SH3RF2: variants seen among roughly 807,000 people sequenced by gnomAD.
SH3RF2 encodes the protein E3 ubiquitin-protein ligase SH3RF2.
SH3RF2 carries 43 observed loss-of-function variants against 59.0 expected under a neutral mutation model. The ratio of observed to expected loss-of-function variants is 0.73; its 90% confidence interval spans 0.57 to 0.94. The LOEUF (loss-of-function observed/expected upper bound fraction) is 0.94. SH3RF2 is among the 40% of genes least tolerant of loss of function. SH3RF2 has a pLI of 0.00. For synonymous variants in SH3RF2, 391 were observed against 391.5 expected, an observed-to-expected ratio of 1.00 and a Z score of 0.01; for missense variants, 930 against 940.1, an observed-to-expected ratio of 0.99 and a Z score of 0.14.
chr5:146,027,794 C>G (rs1028112899), intron 5 of SH3RF2, among the ~76,000 whole-genome samples: 1 of 152,152 alleles, frequency 6.6e-6, no homozygotes, highest in African/African-American at 2.4e-5. Flanking sequence ...CGCTGCAGCC[C>G]AGTTGCCTTT....
chr5:145,992,618 T>A (rs1759987080), intron 2 of SH3RF2, among the ~76,000 whole-genome samples: 2 of 152,114 alleles, frequency 1.3e-5, no homozygotes, highest in Non-Finnish European at 2.9e-5. Flanking sequence ...GAGGAGCATG[T>A]CACATCTTAC....
At chr5:146,048,783 T>C (rs760959062) in intron 6 of SH3RF2, among the ~76,000 whole-genome samples, 1 of 152,168 alleles carries the variant, frequency 6.6e-6, no homozygotes, top group Non-Finnish European at 1.5e-5. Flanking sequence ...TACTTGGATA[T>C]TACCTGCCTG....
intron 2 of SH3RF2, among the ~76,000 whole-genome samples, chr5:145,947,024 A>C (rs1758026022): frequency 6.6e-6 from 1 of 152,110 alleles, no homozygotes; most frequent in Admixed American, 6.5e-5. Flanking sequence ...CTAAGTGTTC[A>C]GTTCAGCAGC....
At chr5:146,045,761 GTTA>G (rs1762278731) in intron 5 of SH3RF2, among the ~76,000 whole-genome samples, 1 of 152,100 alleles carries the variant, frequency 6.6e-6, no homozygotes, top group South Asian at 2.1e-4. Flanking sequence ...CCCGCTTTGG[GTTA>G]TTATGAATAA....
At chr5:146,064,614 AGG>A (rs1177041147), downstream of SH3RF2, among the ~76,000 whole-genome samples, 53 of 101,280 alleles carry the variant, frequency 5.2e-4, 2 homozygotes, top group Middle Eastern at 5.2e-3. Context: ...AGAGAGAGAG[AGG>A]GAGAGAGAGA....
At chr5:146,053,106 A>G (rs1331815275) in intron 7 of SH3RF2, among the ~76,000 whole-genome samples, 1 of 152,220 alleles carries the variant, frequency 6.6e-6, no homozygotes, top group Admixed American at 6.5e-5. Context: ...GGGATAAACT[A>G]GAGATTATAA....
At chr5:146,015,411 A>G (rs927045132) in intron 5 of SH3RF2, among the ~76,000 whole-genome samples, 9 of 152,146 alleles carry the variant, frequency 5.9e-5, no homozygotes, top group African/African-American at 2.2e-4. Flanking sequence ...CTTCTTTACA[A>G]GTACATATTA....
At chr5:146,010,330 A>T (rs1473716632) in intron 4 of SH3RF2, among the ~76,000 whole-genome samples, 1 of 152,236 alleles carries the variant, frequency 6.6e-6, no homozygotes, top group African/African-American at 2.4e-5. Context: ...ATAGTGCCAC[A>T]ATAAACATAC....
intron 4 of SH3RF2, among the ~76,000 whole-genome samples, chr5:146,008,840 T>C (rs1198422416): frequency 6.6e-6 from 1 of 152,232 alleles, no homozygotes; most frequent in Non-Finnish European, 1.5e-5. Context: ...TCTGTTCCTG[T>C]AGTTTTCTTT....
chr5:146,004,266 T>A, intron 4 of SH3RF2, 113 bp downstream of exon 4: 1 of 701,644 alleles, frequency 1.4e-6, no homozygotes, highest in Non-Finnish European at 2.2e-6. Flanking sequence ...CAGAACTAAC[T>A]AAAATCTCTA....
intron 9 of SH3RF2, among the ~76,000 whole-genome samples, chr5:146,072,008 G>A (rs959740284): frequency 1.3e-5 from 2 of 152,228 alleles, no homozygotes; most frequent in Non-Finnish European, 2.9e-5. Context: ...GGAGAGAACA[G>A]TGAGAGTGTT....
rs1392385896 is a variant in SH3RF2, at chr5:146,049,122, A to T, written c.1199A>T (p.Asp400Val). 18 of 1,613,928 alleles carry T rather than the reference A, an allele frequency of 1.1e-5. No individual in the cohort carries two copies. The highest frequency in any genetic ancestry group is 1.4e-5 in the Non-Finnish European group (17 of 1,180,012). Residue 400 changes from aspartate (D) to valine (V), a missense_variant, in exon 7 of 10, where the codon GAC becomes GTC. Asp to Val is a radical substitution (Grantham distance 152). Transcript: ENST00000359120. The part of the protein sequence containing the change: ...SYSAHGPDEL[D>V]LQKGEGVRVL... The stretch of plus-strand genomic sequence containing the variant: ...TCAGCCCATGGACCCGATGAGCTGG[A>T]CCTGCAAAAGGGAGAAGGCGTCAGG...
chr5:146,062,464 T>A lies in SH3RF2; in HGVS notation c.1953T>A (p.Pro651=). 6.2e-7 allele frequency: 1 copy of A among 1,614,138 alleles called. No individual in the cohort carries two copies. Among genetic ancestry groups the A allele is most frequent in the Non-Finnish European group, 8.5e-7 (1 of 1,180,014 alleles). Reference sequence around the variant, plus strand: ...TGAGATTTCAGAATTACAGCCCTCCTCCCACCAAACATTACACCTCCCATC... The same window carrying A: ...TGAGATTTCAGAATTACAGCCCTCCACCCACCAAACATTACACCTCCCATC... ...KTVRFQNYSP[P]PTKHYTSHPT... is the part of the protein sequence containing the mutation. The change falls in exon 10 of 10, where the codon CCT becomes CCA. Residue 651 remains proline, a synonymous_variant. Transcript: ENST00000359120.
At chr5:146,015,209 AAAAC>A (rs1270883862) in intron 5 of SH3RF2, among the ~76,000 whole-genome samples, 1 of 152,170 alleles carries the variant, frequency 6.6e-6, no homozygotes, top group African/African-American at 2.4e-5. Context: ...TTCTGAAAGG[AAAAC>A]AATCACCTCC....
Position 146,014,837 on chromosome 5 carries a change from A to G in SH3RF2, c.1059+776A>G, listed in dbSNP as rs73792800. Among the ~76,000 whole-genome samples, 119 of 152,306 alleles carry G rather than the reference A, an allele frequency of 7.8e-4. 1 individual carries two copies. Among genetic ancestry groups the G allele is most frequent in the African/African-American group, 2.7e-3 (113 of 41,576 alleles). ...ACCCTGGTCACTGTGTTGCCAACTG[A>G]AGACGCGTAGGGGTGGTCGTGGCAA... On this transcript the variant is annotated intron_variant, in intron 5 of 9. Transcript: ENST00000359120.
chr5:145,948,783 C>T (rs967118221), intron 2 of SH3RF2, among the ~76,000 whole-genome samples: 9 of 152,188 alleles, frequency 5.9e-5, no homozygotes, highest in African/African-American at 1.9e-4. Flanking sequence ...GGTTCCTCCG[C>T]AGGTTCCCAG....
At chr5:146,007,496 G>T (rs1760694301) in intron 4 of SH3RF2, among the ~76,000 whole-genome samples, 1 of 152,186 alleles carries the variant, frequency 6.6e-6, no homozygotes, top group Admixed American at 6.5e-5. Flanking sequence ...ACAGACGTCA[G>T]CTGCAATTAG....
At chr5:146,037,098 C>A (rs930052697) in intron 5 of SH3RF2, among the ~76,000 whole-genome samples, 7 of 152,184 alleles carry the variant, frequency 4.6e-5, no homozygotes, top group African/African-American at 1.4e-4. Context: ...TGTATGTCTC[C>A]TATGTCATAA....
intron 2 of SH3RF2, among the ~76,000 whole-genome samples, chr5:145,986,939 G>T (rs562992996): frequency 6.6e-6 from 1 of 152,230 alleles, no homozygotes; most frequent in East Asian, 1.9e-4. Context: ...GATGAAGGAG[G>T]GACCAGGAGA....
Sources: gnomAD v4.1 joint callset for allele counts (sites outside exome capture counted in the v4.1 genomes callset) on GRCh38, gnomAD v4.1.1 for gene constraint, MANE v1.5 for transcripts, NCBI Gene and HGNC (gene_info 2026-07-23, HGNC 2026-07-21) for gene names.